The following KCTD17 variants were observed in gnomAD, a reference collection of about 807,000 sequenced individuals.
The protein encoded by KCTD17 is BTB/POZ domain-containing protein KCTD17.
A neutral mutation model predicts 41.5 loss-of-function variants in KCTD17; 20 were observed. The observed-to-expected ratio is 0.48, with a 90% confidence interval of 0.34 to 0.70. The LOEUF (loss-of-function observed/expected upper bound fraction) is 0.70, where lower values mean the gene tolerates loss of function less well. KCTD17 is among the 30% of genes least tolerant of loss of function. The pLI is 0.01. For synonymous variants in KCTD17, 156 were observed against 173.8 expected, an observed-to-expected ratio of 0.90 and a Z score of 0.80; for missense variants, 317 against 427.2, an observed-to-expected ratio of 0.74 and a Z score of 2.27.
Position 37,053,589 on chromosome 22 carries a change from G to A in KCTD17, c.298+381G>A, listed in dbSNP as rs1924748463. Among the ~76,000 whole-genome samples, 2 of 152,212 alleles carry A rather than the reference G, an allele frequency of 1.3e-5. No individual in the cohort carries two copies. Among genetic ancestry groups the A allele is most frequent in the South Asian group, 2.1e-4 (1 of 4,832 alleles). Reference sequence around the variant, plus strand: ...GGAATGCAGTGTTGACAGGCATGGGGAGAGCTCTGTCTCTCTTTCTCTGGC... The same window carrying A: ...GGAATGCAGTGTTGACAGGCATGGGAAGAGCTCTGTCTCTCTTTCTCTGGC... On this transcript the variant is annotated intron_variant, in intron 2 of 8. Transcript: ENST00000403888. This position sits in a 1 kb window ranked among gnomAD's most constrained non-coding sequence, Gnocchi z 4.1.
chr22:37,054,771 C>T (rs923046051), intron 2 of KCTD17, among the ~76,000 whole-genome samples: 1 of 152,174 alleles, frequency 6.6e-6, no homozygotes, highest in Non-Finnish European at 1.5e-5. Context: ...ACCTGCAGGG[C>T]TCCGCCCAGG....
Position 37,053,042 on chromosome 22 carries a change from G to T in KCTD17, c.190-58G>T. The T allele has an allele frequency of 7.4e-7, 1 of 1,345,178 alleles. No homozygotes were observed. The highest frequency in any genetic ancestry group is 1.3e-5 in the South Asian group (1 of 79,748). The allele number at this position is 1,345,178 out of a possible 1,614,324, so 83.3% of individuals were successfully genotyped here. A position where few individuals can be genotyped will look rare whatever the true frequency, so the allele number is the denominator to read the frequency against. ...TCTCCTTCCCTCCCTGTGCGTGTGC[G>T]GGGTTGGCTGGGGAGAAGCCTCACT... On this transcript the variant is annotated intron_variant, in intron 1 of 8. Transcript: ENST00000403888. This position sits in a 1 kb window ranked among gnomAD's most constrained non-coding sequence, Gnocchi z 4.1.
At chr22:37,060,107 T>C (rs1451038598) in intron 5 of KCTD17, among the ~76,000 whole-genome samples, 3 of 151,928 alleles carry the variant, frequency 2.0e-5, no homozygotes, top group African/African-American at 7.3e-5. Context: ...TGAGCGGGGG[T>C]CCTGCCATCC....
rs547856930 is a variant in KCTD17 at position 37,062,800 on chromosome 22, A to T, written c.*206A>T. On this transcript the variant is annotated 3_prime_UTR_variant, in exon 9 of 9. Transcript: ENST00000403888. Reference sequence around the variant, plus strand: ...GGACTGCTCATGGCAGATGTGTGGCAATGTCTGGCTGTGTCTCTCCGGCAC... The same window carrying T: ...GGACTGCTCATGGCAGATGTGTGGCTATGTCTGGCTGTGTCTCTCCGGCAC... The T allele has an allele frequency of 8.6e-7, 1 of 1,167,792 alleles. No individual in the cohort carries two copies. The highest frequency in any genetic ancestry group is 3.0e-5 in the Admixed American group (1 of 33,606). 72.3% of individuals were successfully genotyped at this position (1,167,792 alleles called of 1,614,324 possible). A position where few individuals can be genotyped will look rare whatever the true frequency, so the allele number is the denominator to read the frequency against.
chr22:37,052,089 A>T, intron 1 of KCTD17, 140 bp downstream of exon 1: 352 of 552,974 alleles, frequency 6.4e-4, no homozygotes, highest in Middle Eastern at 8.0e-4. Flanking sequence ...AAGAAGCGGC[A>T]GGAGGAGGGG....
In KCTD17 at chr22:37,051,955, G is replaced by GC; in HGVS notation, c.189+11dup. The GC allele has an allele frequency of 1.4e-6, 2 of 1,463,738 alleles. No homozygotes were observed. Among genetic ancestry groups the GC allele is most frequent in the South Asian group, 1.3e-5 (1 of 76,016 alleles). The allele number at this position is 1,463,738 out of a possible 1,614,324, so 90.7% of individuals were successfully genotyped here. A position where few individuals can be genotyped will look rare whatever the true frequency, so the allele number is the denominator to read the frequency against. On this transcript the variant is annotated splice_region_variant and intron_variant, in intron 1 of 8. Coordinates refer to ENST00000403888, the MANE Select transcript of KCTD17 (RefSeq NM_001282684.2). Reference sequence around the variant, plus strand: ...AAGAGCTGCAGTCGGACCGGGTGAGGCCCCCGGGGTGGGCGGCGAGCGGGC... The same window carrying GC: ...AAGAGCTGCAGTCGGACCGGGTGAGGCCCCCCGGGGTGGGCGGCGAGCGGGC...
intron 8 of KCTD17, 64 bp from the exon 9 acceptor site, chr22:37,062,461 C>A: frequency 6.4e-7 from 1 of 1,561,694 alleles, no homozygotes; most frequent in East Asian, 2.4e-5. Flanking sequence ...CTGCATCACC[C>A]CCTCCTTACC....
chr22:37,059,578 A>T, intron 5 of KCTD17, 140 bp downstream of exon 5: 1 of 996,582 alleles, frequency 1.0e-6, no homozygotes, highest in Admixed American at 2.6e-5. Flanking sequence ...GCTCACAGCC[A>T]CCGCCATCCA....
intron 4 of KCTD17, among the ~76,000 whole-genome samples, chr22:37,058,459 A>C (rs1023734145): frequency 1.3e-5 from 2 of 152,144 alleles, no homozygotes; most frequent in Admixed American, 6.5e-5. Context: ...TAAAGCTTAC[A>C]GCCCTCCGTA....
chr22:37,057,665 GGTGGCAGGTTGACC>G (rs1305377225), intron 4 of KCTD17, among the ~76,000 whole-genome samples, 172 bp downstream of exon 4: 1 of 152,334 alleles, frequency 6.6e-6, no homozygotes, highest in East Asian at 1.9e-4. Context: ...GACCACACTT[GGTGGCAGGTTGACC>G]GAGAGAGAGG....
intron 5 of KCTD17, among the ~76,000 whole-genome samples, chr22:37,060,057 C>T (rs1219036456): frequency 6.6e-6 from 1 of 152,192 alleles, no homozygotes; most frequent in Non-Finnish European, 1.5e-5. Context: ...CTCCTGAGAG[C>T]ACCCTGGCAG....
Position 37,061,916 on chromosome 22 carries a change from T to C in KCTD17, c.875+287T>C, listed in dbSNP as rs1925845276. 1.0e-6 allele frequency: 1 copy of C among 985,270 alleles called. No individual in the cohort carries two copies. 61.0% of individuals were successfully genotyped at this position (985,270 alleles called of 1,614,324 possible). On this transcript the variant is annotated intron_variant, in intron 8 of 8. Coordinates refer to ENST00000403888, the MANE Select transcript of KCTD17 (RefSeq NM_001282684.2). This position sits in a 1 kb window ranked among gnomAD's most constrained non-coding sequence, Gnocchi z 6.6. The stretch of plus-strand genomic sequence containing the variant: ...TCCAGGAGCTCCTGTGTCACTGCCT[T>C]GTGGCATCCCCTATTTCTGTGGGGA...
intron 6 of KCTD17, 34 bp downstream of exon 6, chr22:37,060,956 C>A: frequency 6.5e-7 from 1 of 1,536,130 alleles, no homozygotes. Context: ...GATTGCTAAG[C>A]AAAGCCGGAG....
In KCTD17 at chr22:37,062,672, TGCACCCGTGGG is replaced by T; in HGVS notation, c.*81_*91del. ...CACCCTCTCCCCGGCCTCCTCTGTCTGCACCCGTGGGGCTGTGACTTACTCCTGCCTCCAGG... is the reference window on the plus strand; with the variant it reads ...CACCCTCTCCCCGGCCTCCTCTGTCTGCTGTGACTTACTCCTGCCTCCAGG... On this transcript the variant is annotated 3_prime_UTR_variant, in exon 9 of 9. Transcript: ENST00000403888. 6.4e-7 allele frequency: 1 copy of T among 1,555,412 alleles called. No individual in the cohort carries two copies. Among genetic ancestry groups the T allele is most frequent in the South Asian group, 1.2e-5 (1 of 84,968 alleles).
chr22:37,062,657 C>G lies in KCTD17; in HGVS notation c.*63C>G. ...CTGAGAAGGAAGAAGCACCCTCTCCCCGGCCTCCTCTGTCTGCACCCGTGG... is the reference window on the plus strand; with the variant it reads ...CTGAGAAGGAAGAAGCACCCTCTCCGCGGCCTCCTCTGTCTGCACCCGTGG... On this transcript the variant is annotated 3_prime_UTR_variant, in exon 9 of 9. Transcript: ENST00000403888. The G allele has an allele frequency of 6.4e-7, 1 of 1,566,918 alleles. No homozygotes were observed. Among genetic ancestry groups the G allele is most frequent in the Non-Finnish European group, 8.7e-7 (1 of 1,155,496 alleles).
intron 2 of KCTD17, among the ~76,000 whole-genome samples, chr22:37,056,111 T>C (rs1311226113): frequency 6.6e-6 from 1 of 152,132 alleles, no homozygotes; most frequent in Non-Finnish European, 1.5e-5. Context: ...AGCAGAGCTG[T>C]GTGGCAGCCC....
Position 37,061,677 on chromosome 22 carries a change from C to T in KCTD17, c.875+48C>T, listed in dbSNP as rs1435826216. On this transcript the variant is annotated intron_variant, in intron 8 of 8. Transcript: ENST00000403888. This position sits in a 1 kb window ranked among gnomAD's most constrained non-coding sequence, Gnocchi z 6.6. ...AGGGAGGGGTGGAGCGAGGAGGGTG[C>T]TCATCTCTTGATCCTTGGACTTGAG... is the stretch of plus-strand genomic sequence containing the variant. The T allele has an allele frequency of 1.9e-6, 3 of 1,547,088 alleles. No homozygotes were observed. Among genetic ancestry groups the T allele is most frequent in the Non-Finnish European group, 2.6e-6 (3 of 1,151,756 alleles).
chr22:37,055,615 A>G (rs113509075), intron 2 of KCTD17, among the ~76,000 whole-genome samples: 1,859 of 152,318 alleles, frequency 0.012, 23 homozygotes, highest in Non-Finnish European at 0.017. Context: ...TTCATCTCCC[A>G]GATTAACTTA....
chr22:37,057,957 T>C (rs1925339962), intron 4 of KCTD17, among the ~76,000 whole-genome samples: 1 of 152,230 alleles, frequency 6.6e-6, no homozygotes, highest in Non-Finnish European at 1.5e-5. Context: ...GTGGCCAGCA[T>C]TGCAACATGC....
Sources: allele counts gnomAD v4.1 joint callset (sites outside exome capture counted in the v4.1 genomes callset), GRCh38; gene constraint gnomAD v4.1.1; non-coding constraint Gnocchi (gnomAD v3.1); transcripts MANE v1.5; gene names NCBI Gene and HGNC (gene_info 2026-07-23, HGNC 2026-07-21).